CPVL: variants seen among roughly 807,000 people sequenced by gnomAD.
CPVL encodes the protein carboxypeptidase vitellogenic like.
Under a neutral mutation model 63.7 loss-of-function variants are expected in CPVL, and 51 were observed. The ratio of observed to expected loss-of-function variants is 0.80; its 90% confidence interval spans 0.64 to 1.01. The LOEUF is 1.01. Ranked by LOEUF, CPVL falls within the 50% of genes least tolerant of loss-of-function variation. CPVL has a pLI of 0.00. For synonymous variants in CPVL, 195 were observed against 206.0 expected (o/e 0.95, Z 0.46); for missense variants, 530 against 573.1 (o/e 0.92, Z 0.77).
intron 11 of CPVL, among the ~76,000 whole-genome samples, chr7:29,056,949 CTTTTTTT>C (rs70977101): frequency 6.8e-5 from 8 of 118,050 alleles, no homozygotes; most frequent in African/African-American, 9.4e-5. Flanking sequence ...TTTTCCTTTT[CTTTTTTT>C]TTTTTTTTTT....
At chr7:29,138,550 T>C (rs954522386) in intron 1 of CPVL, among the ~76,000 whole-genome samples, 1 of 152,144 alleles carries the variant, frequency 6.6e-6, no homozygotes, top group African/African-American at 2.4e-5. Flanking sequence ...AGATGTGACT[T>C]AGATGGCTGG....
intron 1 of CPVL, chr7:29,193,935 G>A (rs968969258): frequency 2.0e-5 from 3 of 152,314 alleles, no homozygotes; most frequent in Non-Finnish European, 4.4e-5. Flanking sequence ...GGTTACTTAA[G>A]TGTAGCTGGG....
chr7:29,168,416 A>G (rs1052255958), intron 5 of CPVL, among the ~76,000 whole-genome samples: 2 of 152,214 alleles, frequency 1.3e-5, no homozygotes, highest in African/African-American at 4.8e-5. Flanking sequence ...AAAATAGAAT[A>G]TTCTAATAAG....
chr7:29,078,811 G>A (rs985959182), intron 7 of CPVL, among the ~76,000 whole-genome samples: 5 of 152,096 alleles, frequency 3.3e-5, no homozygotes, highest in Admixed American at 6.5e-5. Context: ...ATTTCCATAT[G>A]CCCTTGTTCA....
chr7:29,083,626 C>T (rs960049910), intron 7 of CPVL, among the ~76,000 whole-genome samples: 4 of 152,168 alleles, frequency 2.6e-5, no homozygotes, highest in African/African-American at 9.7e-5. Context: ...CAGAAAAGTA[C>T]AAAGCCAAGT....
intron 1 of CPVL, among the ~76,000 whole-genome samples, chr7:29,143,881 C>A (rs1326954769): frequency 6.6e-6 from 1 of 152,222 alleles, no homozygotes; most frequent in Non-Finnish European, 1.5e-5. Context: ...ATTTCATGTT[C>A]AAGGTTATAC....
At chr7:29,148,170 T>C (rs1793039480), upstream of CPVL, among the ~76,000 whole-genome samples, 1 of 152,148 alleles carries the variant, frequency 6.6e-6, no homozygotes, top group African/African-American at 2.4e-5. Flanking sequence ...TCAGTGCCAT[T>C]TGGGGAGGGA....
chr7:29,007,073 A>C (rs1785268499), intron 12 of CPVL, among the ~76,000 whole-genome samples: 1 of 152,156 alleles, frequency 6.6e-6, no homozygotes, highest in Non-Finnish European at 1.5e-5. Flanking sequence ...TAAAATACAG[A>C]CTTCTCAGTA....
At chr7:29,083,825 T>C (rs995849390) in intron 7 of CPVL, among the ~76,000 whole-genome samples, 1 of 152,136 alleles carries the variant, frequency 6.6e-6, no homozygotes, top group African/African-American at 2.4e-5. Context: ...CCCGGTTTAA[T>C]TGTCACCTCC....
chr7:29,074,022 G>GAAAGCTCT (rs1307086086), intron 7 of CPVL, among the ~76,000 whole-genome samples: 4 of 152,144 alleles, frequency 2.6e-5, no homozygotes, highest in Non-Finnish European at 5.9e-5. Flanking sequence ...GGGAACCCCT[G>GAAAGCTCT]AAAGCTCTTA....
chr7:29,091,361 A>G (rs1584234878), intron 6 of CPVL, among the ~76,000 whole-genome samples: 1 of 150,926 alleles, frequency 6.6e-6, no homozygotes, highest in East Asian at 2.0e-4. Flanking sequence ...GGTGTTTGCT[A>G]GTTAACCACT....
chr7:29,117,064 T>C (rs1444950158), intron 2 of CPVL, among the ~76,000 whole-genome samples: 1 of 152,198 alleles, frequency 6.6e-6, no homozygotes, highest in Non-Finnish European at 1.5e-5. Context: ...CAGGGCTACA[T>C]TTGAATACCC....
At chr7:29,012,047 C>T (rs1785901259) in intron 12 of CPVL, 1 of 152,206 alleles carries the variant, frequency 6.6e-6, no homozygotes, top group African/African-American at 2.4e-5. Context: ...TCCAAGTTCA[C>T]TGACAACTCC....
chr7:29,047,485 A>G (rs1488109803), intron 11 of CPVL, among the ~76,000 whole-genome samples: 1 of 152,222 alleles, frequency 6.6e-6, no homozygotes, highest in Non-Finnish European at 1.5e-5. Context: ...TCCAGCAAAG[A>G]TAAATTTTTA....
intron 5 of CPVL, among the ~76,000 whole-genome samples, chr7:29,167,470 A>G (rs1366969086): frequency 2.6e-5 from 4 of 152,166 alleles, no homozygotes; most frequent in African/African-American, 4.8e-5. Context: ...TGCTTCTATG[A>G]CCATATTTGA....
intron 12 of CPVL, among the ~76,000 whole-genome samples, chr7:29,026,258 T>C (rs992881254): frequency 6.6e-5 from 10 of 152,068 alleles, no homozygotes; most frequent in Non-Finnish European, 1.3e-4. Flanking sequence ...AATTTAAACA[T>C]TTCTTGAAAC....
chr7:29,014,207 G>C (rs1220174762), intron 12 of CPVL, among the ~76,000 whole-genome samples: 3 of 152,020 alleles, frequency 2.0e-5, no homozygotes, highest in Non-Finnish European at 4.4e-5. Flanking sequence ...CTTTGCCCCT[G>C]TCTGGAAGAT....
rs565223361 is a variant in CPVL, at chr7:29,104,284, G to T, written c.289-8067C>A. Among the ~76,000 whole-genome samples, 327 of 152,112 alleles carry T rather than the reference G, an allele frequency of 2.1e-3. 1 individual carries two copies. Among genetic ancestry groups the T allele is most frequent in the African/African-American group, 7.3e-3 (301 of 41,488 alleles). On this transcript the variant is annotated intron_variant, in intron 3 of 12. Coordinates refer to ENST00000265394, the MANE Select transcript of CPVL (RefSeq NM_031311.5). Reference sequence around the variant, plus strand: ...CTTTTTTGTTTTTTGTTTTTGAGATGGAGTCTCACTCTTGTTACCCAGGCT... The same window carrying T: ...CTTTTTTGTTTTTTGTTTTTGAGATTGAGTCTCACTCTTGTTACCCAGGCT...
At chr7:29,178,076 T>C (rs141980673) in intron 5 of CPVL, among the ~76,000 whole-genome samples, 3 of 152,286 alleles carry the variant, frequency 2.0e-5, no homozygotes, top group Non-Finnish European at 4.4e-5. Context: ...TCAGCAAGTG[T>C]TGTCAGATTC....
Sources: gnomAD v4.1 joint callset for allele counts (sites outside exome capture counted in the v4.1 genomes callset) on GRCh38, gnomAD v4.1.1 for gene constraint, MANE v1.5 for transcripts, NCBI Gene and HGNC (gene_info 2026-07-23, HGNC 2026-07-21) for gene names.